CA10: variants seen among roughly 807,000 people sequenced by gnomAD.
CA10 encodes carbonic anhydrase-related protein 10.
In CA10, 14 loss-of-function variants were observed where a neutral mutation model predicts 44.2. The observed-to-expected ratio is 0.32, with a 90% CI of 0.21 to 0.50. The LOEUF (loss-of-function observed/expected upper bound fraction) is 0.50. CA10 is among the 20% of genes least tolerant of loss of function. The pLI is 0.99. For missense variants in CA10, 350 were observed against 409.7 expected, an observed-to-expected ratio of 0.85 and a Z score of 1.26; for synonymous variants, 159 against 141.6, an observed-to-expected ratio of 1.12 and a Z score of -0.87.
chr17:51,780,063 GA>G (rs11288586), intron 3 of CA10, among the ~76,000 whole-genome samples: 13,067 of 151,974 alleles, frequency 0.086, 930 homozygotes, highest in African/African-American at 0.2. Flanking sequence ...CTTTTTAACA[GA>G]AAAAAAACTT....
chr17:51,698,477 G>T (rs1526185), intron 4 of CA10, among the ~76,000 whole-genome samples: 10,877 of 152,188 alleles, frequency 0.071, 1,326 homozygotes, highest in African/African-American at 0.25. Context: ...TATACAGAAT[G>T]ACTTTTTAAT....
chr17:51,960,033 G>GA (rs1983828174), intron 2 of CA10, among the ~76,000 whole-genome samples: 1 of 150,876 alleles, frequency 6.6e-6, no homozygotes, highest in South Asian at 2.1e-4. Context: ...TCTATGAAAA[G>GA]AAAAAAATTC....
chr17:51,971,663 T>C (rs1485108729), intron 2 of CA10, among the ~76,000 whole-genome samples: 1 of 152,034 alleles, frequency 6.6e-6, no homozygotes, highest in African/African-American at 2.4e-5. Context: ...TAACAAGATA[T>C]TGGAAATGTT....
intron 4 of CA10, among the ~76,000 whole-genome samples, chr17:51,666,616 G>T (rs568287608): frequency 6.6e-6 from 1 of 152,130 alleles, no homozygotes; most frequent in Non-Finnish European, 1.5e-5. Context: ...TTCTTGGTGA[G>T]CCAGGTATTC....
intron 1 of CA10, among the ~76,000 whole-genome samples, chr17:52,090,134 T>A (rs1457549758): frequency 6.6e-6 from 1 of 152,048 alleles, no homozygotes; most frequent in East Asian, 1.9e-4. Flanking sequence ...AAAAGCAACC[T>A]CAGAAGGGAA....
intron 4 of CA10, among the ~76,000 whole-genome samples, chr17:51,706,790 A>C (rs1421025266): frequency 6.6e-6 from 1 of 152,126 alleles, no homozygotes; most frequent in African/African-American, 2.4e-5. Context: ...TGGTCTTGCC[A>C]CACACCAGGC....
intron 1 of CA10, among the ~76,000 whole-genome samples, chr17:52,114,927 C>T (rs1450863951): frequency 7.9e-5 from 12 of 152,192 alleles, no homozygotes; most frequent in Admixed American, 7.9e-4. Context: ...CCACTGGGGC[C>T]CCCTAATGCT....
chr17:52,019,907 T>C (rs1986082337), intron 2 of CA10, among the ~76,000 whole-genome samples: 1 of 151,914 alleles, frequency 6.6e-6, no homozygotes, highest in African/African-American at 2.4e-5. Context: ...AAGAGATATA[T>C]ATACATATAT....
chr17:51,698,143 G>A (rs1380728990), intron 4 of CA10, among the ~76,000 whole-genome samples: 5 of 152,082 alleles, frequency 3.3e-5, no homozygotes, highest in Non-Finnish European at 5.9e-5. Flanking sequence ...TCATCACCTT[G>A]CCAGACACAG....
intron 2 of CA10, among the ~76,000 whole-genome samples, chr17:52,007,483 A>C (rs1985639727): frequency 6.6e-6 from 1 of 151,576 alleles, no homozygotes; most frequent in African/African-American, 2.4e-5. Context: ...CTTCTATTGA[A>C]GTGATTGTGT....
At chr17:51,707,671 ATGTGTGTGTGTG>A (rs3031847) in intron 4 of CA10, among the ~76,000 whole-genome samples, 6 of 142,908 alleles carry the variant, frequency 4.2e-5, no homozygotes, top group African/African-American at 5.2e-5. Context: ...GTGGATGAAT[ATGTGTGTGTGTG>A]TGTGTGTGTG....
At chr17:51,873,993 A>G (rs999600263) in intron 3 of CA10, among the ~76,000 whole-genome samples, 3 of 152,224 alleles carry the variant, frequency 2.0e-5, no homozygotes, top group African/African-American at 7.2e-5. Context: ...TGTGTTCTTA[A>G]TAAATCTGAG....
Position 51,887,855 on chromosome 17 carries a change from G to A in CA10, c.279+43135C>T, listed in dbSNP as rs868256095. Among the ~76,000 whole-genome samples the A allele has an allele frequency of 2.4e-3, 301 of 126,874 alleles. 1 individual carries two copies. Among genetic ancestry groups the A allele is most frequent in the South Asian group, 0.023 (89 of 3,954 alleles). 83.2% of individuals were successfully genotyped at this position (126,874 alleles called of 152,430 possible). ...TCTACTAAAAATACAAAAAAAAAAAGAAAAAAAAAAAAGAAAAAAAATTAG... is the reference window on the plus strand; with the variant it reads ...TCTACTAAAAATACAAAAAAAAAAAAAAAAAAAAAAAAGAAAAAAAATTAG... On this transcript the variant is annotated intron_variant, in intron 3 of 8. Coordinates refer to ENST00000451037, the MANE Select transcript of CA10 (RefSeq NM_020178.5).
intron 4 of CA10, among the ~76,000 whole-genome samples, chr17:51,739,106 C>T (rs1026974257): frequency 6.6e-6 from 1 of 152,052 alleles, no homozygotes; most frequent in Admixed American, 6.6e-5. Context: ...AGAGATGTGA[C>T]CTTTCGTGGA....
chr17:51,815,646 T>C (rs1040117720), intron 3 of CA10, among the ~76,000 whole-genome samples: 21 of 152,184 alleles, frequency 1.4e-4, no homozygotes, highest in Admixed American at 1.2e-3. Flanking sequence ...GGGAGAATTC[T>C]GAAATCTGAC....
rs576748379 is a variant in CA10 at position 52,009,845 on chromosome 17, A to G, written c.136+62474T>C. On this transcript the variant is annotated intron_variant, in intron 2 of 8. Transcript: ENST00000451037. Reference sequence around the variant, plus strand: ...CACAGAGTGGGAGAAAATCTTCACAATCTATATATCCAACAAAGGACGAGT... The same window carrying G: ...CACAGAGTGGGAGAAAATCTTCACAGTCTATATATCCAACAAAGGACGAGT... Among the ~76,000 whole-genome samples, 32 of 152,158 alleles carry G rather than the reference A, an allele frequency of 2.1e-4. No individual in the cohort carries two copies. In the East Asian group the frequency reaches 5.8e-3, roughly 28 times the overall value.
chr17:51,908,416 A>C lies in CA10; in HGVS notation c.279+22574T>G, dbSNP rs547142528. On this transcript the variant is annotated intron_variant, in intron 3 of 8. Coordinates refer to ENST00000451037, the MANE Select transcript of CA10 (RefSeq NM_020178.5). ...AAGTCAAATGACATAATTTTAACAAATTTTGAGTGTGTGAATAATTTCTTC... is the reference window on the plus strand; with the variant it reads ...AAGTCAAATGACATAATTTTAACAACTTTTGAGTGTGTGAATAATTTCTTC... 5.3e-5 allele frequency among the ~76,000 whole-genome samples: 8 copies of C among 152,234 alleles called. No homozygotes were observed. The South Asian group carries it at 1.7e-3, about 32-fold the overall frequency.
chr17:52,122,433 A>G (rs180902102), intron 1 of CA10, among the ~76,000 whole-genome samples: 6 of 152,326 alleles, frequency 3.9e-5, no homozygotes, highest in Non-Finnish European at 7.3e-5. Flanking sequence ...TTCATTCATC[A>G]TGGATTTTTT....
At chr17:52,063,788 T>C (rs2970033) in intron 2 of CA10, among the ~76,000 whole-genome samples, 17,440 of 152,146 alleles carry the variant, frequency 0.11, 1,053 homozygotes, top group South Asian at 0.21. Context: ...TATCTCAAAA[T>C]TCTTTATGAA....
Sources: gnomAD v4.1 joint callset for allele counts (sites outside exome capture counted in the v4.1 genomes callset) on GRCh38, gnomAD v4.1.1 for gene constraint, MANE v1.5 for transcripts, NCBI Gene and HGNC (gene_info 2026-07-23, HGNC 2026-07-21) for gene names.